The following PELI1 variants were observed in gnomAD, a reference collection of about 807,000 sequenced individuals.
PELI1 encodes pellino E3 ubiquitin protein ligase 1.
Under a neutral mutation model 41.3 loss-of-function variants are expected in PELI1, and 15 were observed. That is an observed-to-expected ratio of 0.36 (90% CI 0.24 to 0.56). The LOEUF is 0.56. Among genes scored for constraint, PELI1 ranks in the 20% least tolerant of loss-of-function variants. The pLI is 0.82. For synonymous variants in PELI1, 178 were observed against 180.1 expected, an observed-to-expected ratio of 0.99 and a Z score of 0.09; for missense variants, 403 against 525.5, an observed-to-expected ratio of 0.77 and a Z score of 2.28.
chr2:64,132,677 T>C (rs920235453), intron 1 of PELI1, among the ~76,000 whole-genome samples: 1 of 152,288 alleles, frequency 6.6e-6, no homozygotes, highest in South Asian at 2.1e-4. Flanking sequence ...TCTAGGAATA[T>C]GTGGTTTCAA....
At chr2:64,118,515 T>C (rs1681094241) in intron 1 of PELI1, among the ~76,000 whole-genome samples, 1 of 152,180 alleles carries the variant, frequency 6.6e-6, no homozygotes, top group South Asian at 2.1e-4. Context: ...TACTTTTTCT[T>C]CTGGTGAAAA....
chr2:64,096,066 G>T, intron 6 of PELI1, 59 bp downstream of exon 6: 1 of 1,182,196 alleles, frequency 8.5e-7, no homozygotes, highest in Non-Finnish European at 1.2e-6. Context: ...AATGCATTCA[G>T]TTCTACTCAT....
chr2:64,108,735 C>A (rs532515578), intron 1 of PELI1, among the ~76,000 whole-genome samples: 4 of 152,268 alleles, frequency 2.6e-5, no homozygotes, highest in Middle Eastern at 6.8e-3. Context: ...TGGAATGACA[C>A]GGTGGTGTAA....
rs566223798 is a variant in PELI1, at chr2:64,105,765, A to G, written c.72-935T>C. Among the ~76,000 whole-genome samples, 6 of 152,336 alleles carry G rather than the reference A, an allele frequency of 3.9e-5. No homozygotes were observed. In the South Asian group the frequency reaches 1.2e-3, roughly 32 times the overall value. On this transcript the variant is annotated intron_variant, in intron 2 of 6. Coordinates refer to ENST00000358912, the MANE Select transcript of PELI1 (RefSeq NM_020651.4). ...TCATTGAGGCATGAGCAGTAGCTTA[A>G]TAATAATCTTTCCTCATTCACCGTC...
intron 1 of PELI1, among the ~76,000 whole-genome samples, chr2:64,129,968 T>C (rs1197155780): frequency 2.6e-5 from 4 of 152,222 alleles, no homozygotes; most frequent in African/African-American, 7.2e-5. Flanking sequence ...TTGTTAGAAA[T>C]GATTTTCAAC....
chr2:64,127,396 C>T (rs149528982), intron 1 of PELI1, among the ~76,000 whole-genome samples: 1 of 152,322 alleles, frequency 6.6e-6, no homozygotes, highest in African/African-American at 2.4e-5. Context: ...AAGTTTCAGA[C>T]AGGCATGATT....
rs951971283 is a variant in PELI1, at chr2:64,093,631, A to C, written c.*1071T>G. The C allele has an allele frequency of 2.0e-5, 3 of 152,636 alleles. No individual in the cohort carries two copies. Among genetic ancestry groups the C allele is most frequent in the African/African-American group, 7.2e-5 (3 of 41,454 alleles). 9.5% of individuals were successfully genotyped at this position (152,636 alleles called of 1,614,324 possible). ...TCCTTAGGATTCAAACCCAGAGTTA[A>C]GGCTGGTCTGCTAAAAACGGGGGCA... is the stretch of plus-strand genomic sequence containing the variant. On this transcript the variant is annotated 3_prime_UTR_variant, in exon 7 of 7. Transcript: ENST00000358912.
Position 64,108,298 on chromosome 2 carries a change from C to A in PELI1, c.13G>T (p.Asp5Tyr). The A allele has an allele frequency of 6.2e-7, 1 of 1,602,820 alleles. No homozygotes were observed. Among genetic ancestry groups the A allele is most frequent in the Non-Finnish European group, 8.5e-7 (1 of 1,169,832 alleles). The change falls in exon 2 of 7, where the codon GAT becomes TAT. Residue 5 changes from aspartate (D) to tyrosine (Y), a missense_variant. Asp to Tyr is a radical substitution (Grantham distance 160). Coordinates refer to ENST00000358912, the MANE Select transcript of PELI1 (RefSeq NM_020651.4). MFSPDQENHPSKAPV... is the reference protein window; with the variant it reads MFSPYQENHPSKAPV... ...GCTTTAGATGGATGATTTTCTTGAT[C>A]AGGAGAAAACATGAGCTTGGCTGTC...
intron 4 of PELI1, 49 bp from the exon 5 acceptor site, chr2:64,096,659 G>A (rs768896334): frequency 7.9e-7 from 1 of 1,265,198 alleles, no homozygotes; most frequent in East Asian, 2.4e-5. Context: ...GAGCACAGTG[G>A]AAAATCCATT....
chr2:64,102,478 T>C (rs67361634), intron 3 of PELI1, among the ~76,000 whole-genome samples: 26,341 of 152,152 alleles, frequency 0.17, 3,077 homozygotes, highest in Non-Finnish European at 0.24. Flanking sequence ...GCTCAAGTGA[T>C]CTTCCTGCCT....
At chr2:64,117,214 T>G (rs1289612706) in intron 1 of PELI1, among the ~76,000 whole-genome samples, 2 of 152,194 alleles carry the variant, frequency 1.3e-5, no homozygotes, top group African/African-American at 4.8e-5. Flanking sequence ...ATCAAAAGCT[T>G]GATTTATGGT....
At chr2:64,142,424 A>G (rs116358612) in intron 1 of PELI1, among the ~76,000 whole-genome samples, 14 of 152,332 alleles carry the variant, frequency 9.2e-5, no homozygotes, top group African/African-American at 2.6e-4. Flanking sequence ...ACTATTCACT[A>G]TTACTACAGT....
At chr2:64,123,835 G>A (rs1681301545) in intron 1 of PELI1, among the ~76,000 whole-genome samples, 1 of 152,168 alleles carries the variant, frequency 6.6e-6, no homozygotes, top group Admixed American at 6.5e-5. Flanking sequence ...CACACAGACT[G>A]TGCATTAATG....
At chr2:64,137,712 C>G (rs996749458) in intron 1 of PELI1, among the ~76,000 whole-genome samples, 2 of 152,090 alleles carry the variant, frequency 1.3e-5, no homozygotes, top group African/African-American at 2.4e-5. Context: ...CAAGTTACTT[C>G]CCATTTTCTT....
intron 3 of PELI1, among the ~76,000 whole-genome samples, chr2:64,102,297 T>C (rs1476397368): frequency 1.3e-5 from 2 of 152,166 alleles, no homozygotes; most frequent in African/African-American, 4.8e-5. Context: ...ATATATACTA[T>C]ATAATTGTTT....
chr2:64,096,465 G>A lies in PELI1; in HGVS notation c.449C>T (p.Thr150Ile). ...RIICERNPPF[T>I]ARIYAAGFDS... Reference sequence around the variant, plus strand: ...AAATCCTGCAGCATAAATCCGTGCTGTAAAGGGAGGATTCCGTTCACATAT... The same window carrying A: ...AAATCCTGCAGCATAAATCCGTGCTATAAAGGGAGGATTCCGTTCACATAT... The change falls in exon 5 of 7, where the codon ACA becomes ATA. Residue 150 changes from threonine to isoleucine, a missense_variant. Transcript: ENST00000358912. 6.2e-7 allele frequency: 1 copy of A among 1,613,724 alleles called. No homozygotes were observed. The highest frequency in any genetic ancestry group is 8.5e-7 in the Non-Finnish European group (1 of 1,179,616).
chr2:64,117,025 CTTAA>C (rs1467958014), intron 1 of PELI1, among the ~76,000 whole-genome samples: 1 of 152,180 alleles, frequency 6.6e-6, no homozygotes, highest in African/African-American at 2.4e-5. Flanking sequence ...AGGTGGTACA[CTTAA>C]TTGATAAATG....
chr2:64,102,791 C>CATTT (rs1680488570), intron 3 of PELI1, among the ~76,000 whole-genome samples: 4 of 151,814 alleles, frequency 2.6e-5, no homozygotes, highest in African/African-American at 9.7e-5. Flanking sequence ...TTCATCATGA[C>CATTT]CTCACAAATA....
At chr2:64,132,000 G>A (rs193299802) in intron 1 of PELI1, among the ~76,000 whole-genome samples, 2 of 152,296 alleles carry the variant, frequency 1.3e-5, no homozygotes, top group Non-Finnish European at 2.9e-5. Context: ...ACTATGGTAA[G>A]TTTGAAGAAT....
Sources: gnomAD v4.1 joint callset for allele counts (sites outside exome capture counted in the v4.1 genomes callset) on GRCh38, gnomAD v4.1.1 for gene constraint, MANE v1.5 for transcripts, NCBI Gene and HGNC (gene_info 2026-07-23, HGNC 2026-07-21) for gene names.